NCALD: variants seen among roughly 807,000 people sequenced by gnomAD.
NCALD encodes the protein neurocalcin-delta.
Under a neutral mutation model 18.6 loss-of-function variants are expected in NCALD, and 10 were observed. That is an observed-to-expected ratio of 0.54 (90% confidence interval 0.33 to 0.91). NCALD has a LOEUF of 0.91. Ranked by LOEUF, NCALD falls within the 40% of genes least tolerant of loss-of-function variation. NCALD has a pLI of 0.03. For synonymous variants in NCALD, 88 were observed against 87.4 expected (o/e 1.01, Z -0.04); for missense variants, 184 against 247.6 (o/e 0.74, Z 1.72).
rs1027639422 is a variant in NCALD, at chr8:102,041,341, C to T, written c.-209-21052G>A. 4.6e-5 allele frequency among the ~76,000 whole-genome samples: 7 copies of T among 152,326 alleles called. 1 individual carries two copies. The South Asian group carries it at 6.2e-4, about 14-fold the overall frequency. On this transcript the variant is annotated intron_variant, in intron 1 of 6. Transcript: ENST00000311028. ...CACTTGACCTTATCTCCCAATAACT[C>T]AAAGGCATGTTGGTTTATTTGAGAC...
chr8:101,815,416 A>T (rs929096830), intron 4 of NCALD, among the ~76,000 whole-genome samples: 5 of 152,144 alleles, frequency 3.3e-5, no homozygotes, highest in Non-Finnish European at 7.4e-5. Flanking sequence ...ATCCACATAC[A>T]AAAAATAAAT....
intron 2 of NCALD, among the ~76,000 whole-genome samples, chr8:101,714,370 C>G (rs187190619): frequency 1.3e-5 from 2 of 152,168 alleles, no homozygotes. Flanking sequence ...AGAGCCAAAT[C>G]ATGAGCAAAC....
At chr8:101,859,277 C>T (rs1815443167) in intron 4 of NCALD, among the ~76,000 whole-genome samples, 1 of 152,194 alleles carries the variant, frequency 6.6e-6, no homozygotes, top group African/African-American at 2.4e-5. Flanking sequence ...TTTGCCAGGG[C>T]CTCTTGGGCC....
intron 1 of NCALD, among the ~76,000 whole-genome samples, chr8:101,748,953 G>A (rs1198206380): frequency 6.6e-6 from 1 of 152,214 alleles, no homozygotes; most frequent in Non-Finnish European, 1.5e-5. Flanking sequence ...TGTGCAATAT[G>A]AGTGTGGTCT....
rs113245069 is a variant in NCALD at position 102,015,807 on chromosome 8, A to G, written c.-157+4430T>C. 6.9e-3 allele frequency among the ~76,000 whole-genome samples: 1,055 copies of G among 152,264 alleles called. 12 individuals are homozygous for G. The highest frequency in any genetic ancestry group is 0.024 in the African/African-American group (982 of 41,538). On this transcript the variant is annotated intron_variant, in intron 2 of 6. Coordinates refer to the NCALD transcript ENST00000311028. ...TGAAAGCAGGAATAAGAAAACAGCT[A>G]AAATGTTAATGAATTTCTAAAGGGC...
At chr8:101,902,405 A>G (rs1221274553) in intron 3 of NCALD, among the ~76,000 whole-genome samples, 2 of 152,156 alleles carry the variant, frequency 1.3e-5, no homozygotes, top group African/African-American at 4.8e-5. Context: ...TTCCTAAGAA[A>G]TGAATACACT....
At chr8:101,862,365 G>C (rs1170720600) in intron 4 of NCALD, among the ~76,000 whole-genome samples, 3 of 152,146 alleles carry the variant, frequency 2.0e-5, no homozygotes, top group African/African-American at 7.2e-5. Context: ...CCAAGTTTGA[G>C]GCCACAGGCA....
At chr8:101,821,216 A>T (rs558670653) in intron 4 of NCALD, among the ~76,000 whole-genome samples, 1 of 152,322 alleles carries the variant, frequency 6.6e-6, no homozygotes, top group Admixed American at 6.5e-5. Flanking sequence ...AATATTTTCA[A>T]ATCAGTGCAT....
At chr8:102,061,434 C>G (rs1298801286) in intron 1 of NCALD, among the ~76,000 whole-genome samples, 1 of 152,118 alleles carries the variant, frequency 6.6e-6, no homozygotes, top group East Asian at 1.9e-4. Context: ...CAGAGTGCAA[C>G]AGATTATTTT....
chr8:101,856,937 A>G (rs1340699830), intron 4 of NCALD, among the ~76,000 whole-genome samples: 6 of 151,526 alleles, frequency 4.0e-5, no homozygotes, highest in Non-Finnish European at 8.8e-5. Context: ...TCTCTTCCCC[A>G]CTCCTCAGGT....
intron 1 of NCALD, chr8:102,070,212 G>A (rs915101721): frequency 2.6e-5 from 4 of 151,972 alleles, no homozygotes; most frequent in African/African-American, 4.8e-5. Context: ...CAGGTGATTG[G>A]GGCAAATAGA....
At chr8:101,794,652 T>C (rs1812571601), upstream of NCALD, among the ~76,000 whole-genome samples, 1 of 152,208 alleles carries the variant, frequency 6.6e-6, no homozygotes, top group Admixed American at 6.5e-5. Context: ...AACATTTTTC[T>C]AAGTACTATA....
Position 101,818,349 on chromosome 8 carries a change from T to A in NCALD, c.-20+68792A>T, listed in dbSNP as rs117364236. Among the ~76,000 whole-genome samples the A allele has an allele frequency of 1.2e-4, 18 of 152,288 alleles. No individual in the cohort carries two copies. In the East Asian group the frequency reaches 3.5e-3, roughly 29 times the overall value. On this transcript the variant is annotated intron_variant, in intron 4 of 6. Transcript: ENST00000311028. ...GTTTCATGCAAATGACCTCACTTGA[T>A]CTTCACGCTAGCCCCTGGAGGTAAG...
intron 2 of NCALD, among the ~76,000 whole-genome samples, chr8:102,015,531 C>G (rs919676984): frequency 1.3e-5 from 2 of 152,166 alleles, no homozygotes; most frequent in Admixed American, 6.5e-5. Flanking sequence ...GCCAGTGACT[C>G]TTAAAAAGTT....
At chr8:101,909,595 C>T (rs903068523) in intron 3 of NCALD, among the ~76,000 whole-genome samples, 3 of 152,144 alleles carry the variant, frequency 2.0e-5, no homozygotes, top group African/African-American at 7.2e-5. Flanking sequence ...ATTGAATTTT[C>T]ATAACCACCT....
At chr8:101,840,987 C>T (rs1000134498) in intron 4 of NCALD, among the ~76,000 whole-genome samples, 14 of 151,988 alleles carry the variant, frequency 9.2e-5, no homozygotes, top group Non-Finnish European at 1.2e-4. Flanking sequence ...GTGACTAAGG[C>T]CTTATTAGAT....
chr8:101,875,421 C>A (rs993159976), intron 4 of NCALD, among the ~76,000 whole-genome samples: 1 of 152,204 alleles, frequency 6.6e-6, no homozygotes, highest in Non-Finnish European at 1.5e-5. Context: ...CCTCACTGAC[C>A]CTGTCCCTTT....
chr8:101,719,459 A>C lies in NCALD; in HGVS notation c.171T>G (p.Pro57=). The C allele has an allele frequency of 6.2e-7, 1 of 1,614,204 alleles. No individual in the cohort carries two copies. Among genetic ancestry groups the C allele is most frequent in the Non-Finnish European group, 8.5e-7 (1 of 1,180,026 alleles). ...EFKKIYGNFF[P]YGDASKFAEH... ...CTGCAAATTTGGAAGCATCCCCATAAGGGAAAAAGTTCCCATATATTTTCT... is the reference window on the plus strand; with the variant it reads ...CTGCAAATTTGGAAGCATCCCCATACGGGAAAAAGTTCCCATATATTTTCT... The change falls in exon 2 of 4, where the codon CCT becomes CCG. Residue 57 remains proline (P), a synonymous_variant. Coordinates refer to ENST00000220931, the MANE Select transcript of NCALD (RefSeq NM_032041.3).
Position 102,122,894 on chromosome 8 carries a change from C to T in NCALD, c.-210+1343G>A, listed in dbSNP as rs561157669. On this transcript the variant is annotated intron_variant, in intron 1 of 6. Coordinates refer to the NCALD transcript ENST00000311028. ...TGAATGGTTGAGACAGGGGAGACTC[C>T]AGGACAATTTCCAGAGATCTGGCTT... is the stretch of plus-strand genomic sequence containing the variant. Among the ~76,000 whole-genome samples, 8 of 152,344 alleles carry T rather than the reference C, an allele frequency of 5.3e-5. No individual in the cohort carries two copies. The East Asian group carries it at 1.5e-3, about 29-fold the overall frequency.
Sources: gnomAD v4.1 joint callset for allele counts (sites outside exome capture counted in the v4.1 genomes callset) on GRCh38, gnomAD v4.1.1 for gene constraint, MANE v1.5 for transcripts, NCBI Gene and HGNC (gene_info 2026-07-23, HGNC 2026-07-21) for gene names.